The following CDH8 variants were observed in gnomAD, a reference collection of about 807,000 sequenced individuals.
The protein encoded by CDH8 is cadherin-8.
A neutral mutation model predicts 68.1 loss-of-function variants in CDH8; 17 were observed. That is an observed-to-expected ratio of 0.25 (90% CI 0.17 to 0.37). The LOEUF is 0.37. Among genes scored for constraint, CDH8 ranks in the 10% least tolerant of loss-of-function variants. The pLI is 1.00. For synonymous variants in CDH8, 372 were observed against 365.1 expected (o/e 1.02, Z -0.21); for missense variants, 763 against 999.3 (o/e 0.76, Z 3.19).
intron 8 of CDH8, among the ~76,000 whole-genome samples, chr16:61,739,915 A>ATATAT (rs373723105): frequency 9.1e-6 from 1 of 109,580 alleles, no homozygotes; most frequent in African/African-American, 3.7e-5. Flanking sequence ...ATATATATGT[A>ATATAT]TTTTTTTTTT....
chr16:61,899,846 A>ACACACACC (rs1963937143), intron 3 of CDH8, among the ~76,000 whole-genome samples: 1 of 151,798 alleles, frequency 6.6e-6, no homozygotes, highest in Non-Finnish European at 1.5e-5. Flanking sequence ...ACACACACAC[A>ACACACACC]CACACACACA....
chr16:62,014,726 G>T (rs1285313480), intron 2 of CDH8, among the ~76,000 whole-genome samples: 1 of 152,182 alleles, frequency 6.6e-6, no homozygotes, highest in East Asian at 1.9e-4. Context: ...ATGAGTCAGT[G>T]CCTTGGAGGA....
chr16:61,717,107 C>G (rs955063419), intron 9 of CDH8, among the ~76,000 whole-genome samples: 2 of 151,488 alleles, frequency 1.3e-5, no homozygotes, highest in Non-Finnish European at 3.0e-5. Flanking sequence ...ATTTCTGGAG[C>G]AGTCATAAAT....
In CDH8 at chr16:61,713,892, G is replaced by T; in HGVS notation, c.1603C>A (p.Leu535Ile). 6.2e-7 allele frequency: 1 copy of T among 1,608,708 alleles called. No individual in the cohort carries two copies. The highest frequency in any genetic ancestry group is 8.5e-7 in the Non-Finnish European group (1 of 1,175,878). The stretch of plus-strand genomic sequence containing the variant: ...GGATTGTTGACCATTTCTGGAAGGA[G>T]ACTGTATAAGAAATAATGTCCGTTT... ...PKNGHYFLYS[L>I]LPEMVNNPNF... Residue 535 changes from leucine (L) to isoleucine (I), a missense_variant, in exon 10 of 12, where the codon CTC (leucine) becomes ATC (isoleucine). Transcript: ENST00000577390.
At position 61,977,562 on chromosome 16, in the gene CDH8, T is replaced by G. The variant is rs144680486; in HGVS notation, c.252+43590A>C. ...GAAATCAGTTCAAATGTGATACCTA[T>G]AGTGAAGCACTTTTCAAGTCTAAAA... is the stretch of plus-strand genomic sequence containing the variant. On this transcript the variant is annotated intron_variant, in intron 2 of 11. Coordinates refer to ENST00000577390, the MANE Select transcript of CDH8 (RefSeq NM_001796.5). Among the ~76,000 whole-genome samples, 1,047 of 152,252 alleles carry G rather than the reference T, an allele frequency of 6.9e-3. 11 individuals carry two copies. The highest frequency in any genetic ancestry group is 0.031 in the Middle Eastern group (9 of 294).
intron 8 of CDH8, among the ~76,000 whole-genome samples, chr16:61,737,268 A>G (rs970041285): frequency 3.3e-5 from 5 of 152,152 alleles, no homozygotes; most frequent in African/African-American, 9.7e-5. Flanking sequence ...TGATTTGACA[A>G]ATTTAGGTTT....
chr16:61,895,926 C>G (rs777552035), intron 3 of CDH8, among the ~76,000 whole-genome samples: 1 of 151,896 alleles, frequency 6.6e-6, no homozygotes, highest in African/African-American at 2.4e-5. Context: ...GAAAGTCAAG[C>G]TTAGATGGTT....
At chr16:61,809,052 G>A (rs906334118) in intron 7 of CDH8, among the ~76,000 whole-genome samples, 1 of 152,120 alleles carries the variant, frequency 6.6e-6, no homozygotes, top group African/African-American at 2.4e-5. Context: ...CGGGCATGGT[G>A]GCCCATGCCT....
chr16:61,915,668 C>T (rs974658837), intron 2 of CDH8, among the ~76,000 whole-genome samples: 50 of 152,124 alleles, frequency 3.3e-4, no homozygotes, highest in African/African-American at 1.0e-3. Context: ...AATAGTCTTG[C>T]GAAGTTAAAT....
At chr16:61,998,187 G>A (rs527335771) in intron 2 of CDH8, among the ~76,000 whole-genome samples, 1 of 152,140 alleles carries the variant, frequency 6.6e-6, no homozygotes, top group African/African-American at 2.4e-5. Flanking sequence ...ATTAGGAAAT[G>A]ATAAAATGAA....
At position 61,651,182 on chromosome 16, in the gene CDH8, C is replaced by G. The variant is rs1351913362; in HGVS notation, c.*2426G>C. ...AGAGATACATAAAACATAATAATCT[C>G]TCCTTGGTTTGGAAGGTGTAAGATA... On this transcript the variant is annotated 3_prime_UTR_variant, in exon 12 of 12. Transcript: ENST00000577390. 6.6e-6 allele frequency: 1 copy of G among 152,112 alleles called. No homozygotes were observed. Among genetic ancestry groups the G allele is most frequent in the Non-Finnish European group, 1.5e-5 (1 of 68,026 alleles). The allele number at this position is 152,112 out of a possible 1,614,324, so 9.4% of individuals were successfully genotyped here. A position where few individuals can be genotyped will look rare whatever the true frequency, so the allele number is the denominator to read the frequency against.
At chr16:62,029,274 A>T (rs1206806021) in intron 1 of CDH8, among the ~76,000 whole-genome samples, 1 of 152,222 alleles carries the variant, frequency 6.6e-6, no homozygotes, top group Non-Finnish European at 1.5e-5. Context: ...ACTGATTTTT[A>T]AAAATTATTT....
chr16:61,981,874 G>T (rs1246327550), intron 2 of CDH8, among the ~76,000 whole-genome samples: 1 of 152,162 alleles, frequency 6.6e-6, no homozygotes, highest in Non-Finnish European at 1.5e-5. Flanking sequence ...AAGGTAAAAA[G>T]AACAACAAAA....
At chr16:61,697,999 C>T (rs1964359873) in intron 10 of CDH8, among the ~76,000 whole-genome samples, 1 of 152,214 alleles carries the variant, frequency 6.6e-6, no homozygotes, top group Non-Finnish European at 1.5e-5. Flanking sequence ...TTTCCCTTTA[C>T]AGTGCAGATA....
chr16:61,663,289 T>C (rs746256073), intron 10 of CDH8, among the ~76,000 whole-genome samples: 2 of 152,058 alleles, frequency 1.3e-5, no homozygotes, highest in Admixed American at 6.6e-5. Context: ...AGATTGATTA[T>C]GAACAAAAAT....
intron 7 of CDH8, among the ~76,000 whole-genome samples, chr16:61,812,459 C>A (rs1442334720): frequency 1.3e-5 from 2 of 152,154 alleles, no homozygotes; most frequent in African/African-American, 4.8e-5. Flanking sequence ...TTAACTTAAG[C>A]AGCTCATGCA....
intron 7 of CDH8, among the ~76,000 whole-genome samples, chr16:61,809,562 C>G (rs1961889153): frequency 6.6e-6 from 1 of 152,082 alleles, no homozygotes; most frequent in South Asian, 2.1e-4. Context: ...AACAAACCTG[C>G]ACGTTCTGCA....
At chr16:61,837,646 T>C (rs1465186656) in intron 4 of CDH8, among the ~76,000 whole-genome samples, 1 of 152,076 alleles carries the variant, frequency 6.6e-6, no homozygotes, top group Admixed American at 6.6e-5. Context: ...CACCACAATG[T>C]ATTGGCTTTC....
chr16:61,854,609 G>T (rs1330249087), intron 4 of CDH8, among the ~76,000 whole-genome samples: 2 of 152,054 alleles, frequency 1.3e-5, no homozygotes, highest in African/African-American at 4.8e-5. Flanking sequence ...ATTTTCCAAA[G>T]GACCCAACTA....
Sources: gnomAD v4.1 joint callset for allele counts (sites outside exome capture counted in the v4.1 genomes callset) on GRCh38, gnomAD v4.1.1 for gene constraint, MANE v1.5 for transcripts, NCBI Gene and HGNC (gene_info 2026-07-23, HGNC 2026-07-21) for gene names.